ARHGAP6: variants seen among roughly 807,000 people sequenced by gnomAD.
ARHGAP6 encodes the protein Rho GTPase activating protein 6.
In ARHGAP6, 16 loss-of-function variants were observed where a neutral mutation model predicts 55.7. The observed-to-expected ratio is 0.29, with a 90% CI of 0.19 to 0.44. The LOEUF (loss-of-function observed/expected upper bound fraction) is 0.44, where lower values mean the gene tolerates loss of function less well. ARHGAP6 is among the 20% of genes least tolerant of loss of function. ARHGAP6 has a pLI of 1.00. For synonymous variants in ARHGAP6, 382 were observed against 360.9 expected, an observed-to-expected ratio of 1.06 and a Z score of -0.66; for missense variants, 698 against 808.9, an observed-to-expected ratio of 0.86 and a Z score of 1.66.
At chrX:11,288,081 G>A (rs150078979) in intron 1 of ARHGAP6, among the ~76,000 whole-genome samples, 29 of 112,447 alleles carry the variant, frequency 2.6e-4, no homozygotes, top group Admixed American at 9.4e-4. Context: ...AACTCAGCAC[G>A]TCTAATCCTT....
rs201340651 is a variant in ARHGAP6, at chrX:11,295,317, GT to G, written c.589-40611del. On this transcript the variant is annotated intron_variant, in intron 1 of 12. Transcript: ENST00000337414. ...TTACCCCTCAGGGGGTAAGATTTTTGTGTTAGGAATCCACTTTTTGAGCCAC... is the reference window on the plus strand; with the variant it reads ...TTACCCCTCAGGGGGTAAGATTTTTGGTTAGGAATCCACTTTTTGAGCCAC... 8.7e-3 allele frequency among the ~76,000 whole-genome samples: 975 copies of G among 111,534 alleles called. 17 individuals are homozygous for G. Among genetic ancestry groups the G allele is most frequent in the African/African-American group, 0.03 (914 of 30,659 alleles).
intron 1 of ARHGAP6, among the ~76,000 whole-genome samples, chrX:11,404,945 C>T (rs965618100): frequency 9.8e-5 from 11 of 111,947 alleles, no homozygotes; most frequent in Non-Finnish European, 1.9e-4. Flanking sequence ...GGTGAAAATA[C>T]AGATTAAATA....
intron 1 of ARHGAP6, among the ~76,000 whole-genome samples, chrX:11,564,178 C>T (rs975879547): frequency 7.2e-5 from 8 of 111,503 alleles, no homozygotes; most frequent in African/African-American, 2.6e-4. Context: ...ATTCAACTTC[C>T]AATTAATTAA....
At chrX:11,270,823 G>T (rs2047684479) in intron 1 of ARHGAP6, among the ~76,000 whole-genome samples, 1 of 111,584 alleles carries the variant, frequency 9.0e-6, no homozygotes, top group Non-Finnish European at 1.9e-5. Context: ...AATAAATATG[G>T]ATCCCCAGAA....
At chrX:11,146,724 G>A (rs2045697094) in intron 10 of ARHGAP6, among the ~76,000 whole-genome samples, 1 of 112,545 alleles carries the variant, frequency 8.9e-6, no homozygotes, top group South Asian at 3.7e-4. Context: ...CTGACTGAAT[G>A]CTGAATACCA....
chrX:11,664,492 A>C lies in ARHGAP6; in HGVS notation c.337T>G (p.Ser113Ala), dbSNP rs1199653478. Reference sequence around the variant, plus strand: ...TCAAAGTGAAAGCTGCCGGATGGTGACTTCTCCTGCGGGGTGCTGGGTGTG... The same window carrying C: ...TCAAAGTGAAAGCTGCCGGATGGTGCCTTCTCCTGCGGGGTGCTGGGTGTG... ...FSTPSTPQEK[S>A]PSGSFHFDYE... The change falls in exon 1 of 13, where the codon TCA (serine) becomes GCA (alanine). Residue 113 changes from serine (S) to alanine (A), a missense_variant. Physicochemically the swap from Ser to Ala is moderately conservative, Grantham distance 99. Transcript: ENST00000337414. 10 of 1,207,304 alleles carry C rather than the reference A, an allele frequency of 8.3e-6. No homozygotes were observed. The highest frequency in any genetic ancestry group is 1.1e-5 in the Non-Finnish European group (10 of 893,495).
At chrX:11,601,621 G>C (rs1182838158) in intron 1 of ARHGAP6, among the ~76,000 whole-genome samples, 1 of 112,325 alleles carries the variant, frequency 8.9e-6, no homozygotes, top group Non-Finnish European at 1.9e-5. Flanking sequence ...AGCAGTCCGT[G>C]CTGAAGACAA....
Position 11,568,650 on chromosome X carries a change from G to A in ARHGAP6, c.588+95591C>T, listed in dbSNP as rs145210137. On this transcript the variant is annotated intron_variant, in intron 1 of 12. Transcript: ENST00000337414. The stretch of plus-strand genomic sequence containing the variant: ...CGGGCACCTGTAATCCCAGCTACTC[G>A]GGAGGCCAAGACACGAGAATCTCTT... Among the ~76,000 whole-genome samples the A allele has an allele frequency of 3.2e-4, 35 of 109,449 alleles. No individual in the cohort carries two copies. In the East Asian group the frequency reaches 9.5e-3, roughly 30 times the overall value.
chrX:11,557,223 C>G (rs2051328609), intron 1 of ARHGAP6, among the ~76,000 whole-genome samples: 1 of 111,935 alleles, frequency 8.9e-6, no homozygotes, highest in Non-Finnish European at 1.9e-5. Flanking sequence ...AAAGTCTTTT[C>G]TGGAAGCAGA....
chrX:11,357,815 G>T (rs1259578392), intron 1 of ARHGAP6, among the ~76,000 whole-genome samples: 2 of 112,069 alleles, frequency 1.8e-5, no homozygotes, highest in African/African-American at 6.5e-5. Context: ...TGTGTGGATA[G>T]AAAAGCTAGA....
At chrX:11,266,033 CT>C in intron 1 of ARHGAP6, 1 of 172,124 alleles carries the variant, frequency 5.8e-6, no homozygotes, top group Non-Finnish European at 8.3e-6. Flanking sequence ...GCGTGTGTGC[CT>C]GTGTGTGTGT....
At chrX:11,267,998 A>G (rs1213891570) in intron 1 of ARHGAP6, among the ~76,000 whole-genome samples, 1 of 112,326 alleles carries the variant, frequency 8.9e-6, no homozygotes, top group African/African-American at 3.2e-5. Context: ...CTAATCACAA[A>G]AAGTGCTGAG....
intron 2 of ARHGAP6, chrX:11,221,235 T>C (rs1406668127): frequency 3.4e-5 from 4 of 115,968 alleles, no homozygotes; most frequent in African/African-American, 1.3e-4. Flanking sequence ...TGTTTGCCTT[T>C]GGTTCTGCAG....
chrX:11,473,431 T>C (rs761427668), intron 1 of ARHGAP6, among the ~76,000 whole-genome samples: 2 of 108,795 alleles, frequency 1.8e-5, no homozygotes, highest in African/African-American at 6.5e-5. Flanking sequence ...GATGGTCACA[T>C]TGGATTCGGG....
chrX:11,437,771 C>T (rs1356161288), intron 1 of ARHGAP6, among the ~76,000 whole-genome samples: 1 of 112,318 alleles, frequency 8.9e-6, no homozygotes, highest in Non-Finnish European at 1.9e-5. Context: ...GCACTTCCTG[C>T]TCTTTGTGAA....
chrX:11,303,371 C>T (rs920949939), intron 1 of ARHGAP6, among the ~76,000 whole-genome samples: 1 of 112,071 alleles, frequency 8.9e-6, no homozygotes, highest in African/African-American at 3.2e-5. Context: ...CCTGACTCTT[C>T]CAGACGATAA....
intron 1 of ARHGAP6, among the ~76,000 whole-genome samples, chrX:11,574,917 C>T (rs1312094207): frequency 9.0e-6 from 1 of 111,653 alleles, no homozygotes; most frequent in African/African-American, 3.3e-5. Context: ...ATCAATCCCT[C>T]TCATCTGTAC....
chrX:11,257,800 G>A (rs769330299), intron 1 of ARHGAP6, among the ~76,000 whole-genome samples: 18 of 111,677 alleles, frequency 1.6e-4, no homozygotes, highest in Non-Finnish European at 3.0e-4. Context: ...GAATGCCTAG[G>A]AGACAAGGCT....
rs1569226537 is a variant in ARHGAP6 at position 11,139,103 on chromosome X, GGCTGCC to G, written c.2679_2684del (p.Ala894_Ala895del). The G allele has an allele frequency of 3.3e-6, 4 of 1,202,836 alleles. No individual in the cohort carries two copies. The highest frequency in any genetic ancestry group is 4.5e-6 in the Non-Finnish European group (4 of 891,865). On this transcript the variant is annotated inframe_deletion, in exon 13 of 13. Transcript: ENST00000337414. ...CGCCTTCCGGGGGCCCCTGGATCCA[GGCTGCC>G]GCTGCCGCGGGCTTCCCTGGGCCCG...
Sources: allele counts gnomAD v4.1 joint callset (sites outside exome capture counted in the v4.1 genomes callset), GRCh38; gene constraint gnomAD v4.1.1; transcripts MANE v1.5; gene names NCBI Gene and HGNC (gene_info 2026-07-23, HGNC 2026-07-21).